The following THADA variants were observed in gnomAD, a reference collection of about 807,000 sequenced individuals.
The protein encoded by THADA is THADA armadillo repeat containing.
THADA carries 213 observed loss-of-function variants against 219.8 expected under a neutral mutation model. That is an observed-to-expected ratio of 0.97 (90% CI 0.87 to 1.09). THADA has a LOEUF of 1.09. Among genes scored for constraint, THADA ranks in the 50% least tolerant of loss-of-function variants. THADA has a pLI of 0.00. For synonymous variants in THADA, 1,018 were observed against 828.9 expected, an observed-to-expected ratio of 1.23 and a Z score of -3.92; for missense variants, 2,956 against 2,311.3, an observed-to-expected ratio of 1.28 and a Z score of -5.72.
chr2:43,573,942 C>T (rs1340426100), intron 11 of THADA, among the ~76,000 whole-genome samples: 1 of 152,150 alleles, frequency 6.6e-6, no homozygotes, highest in African/African-American at 2.4e-5. Flanking sequence ...TTGCTACTGC[C>T]AAGTTACCTG....
intron 10 of THADA, among the ~76,000 whole-genome samples, chr2:43,576,180 G>A (rs1479103893): frequency 6.6e-6 from 1 of 152,108 alleles, no homozygotes; most frequent in Non-Finnish European, 1.5e-5. Flanking sequence ...CTAATAAACT[G>A]AATTGTACAC....
intron 7 of THADA, among the ~76,000 whole-genome samples, chr2:43,584,644 A>G (rs1700821415): frequency 6.6e-6 from 1 of 152,230 alleles, no homozygotes; most frequent in South Asian, 2.1e-4. Context: ...TAACAATAGT[A>G]TTTCAGAAGC....
In THADA at chr2:43,397,622, C is replaced by T. The variant is rs531695174; in HGVS notation, c.4227+349G>A. On this transcript the variant is annotated intron_variant, in intron 29 of 37. Coordinates refer to ENST00000405975, the MANE Select transcript of THADA (RefSeq NM_022065.5). ...CTCTCTCAAGGAATGCTTTCAGTTT[C>T]ACTCGGAATAGGTAGTAGCCCAGAA... is the stretch of plus-strand genomic sequence containing the variant. Among the ~76,000 whole-genome samples, 12 of 151,932 alleles carry T rather than the reference C, an allele frequency of 7.9e-5. No homozygotes were observed. The South Asian group carries it at 2.5e-3, about 32-fold the overall frequency.
intron 26 of THADA, among the ~76,000 whole-genome samples, chr2:43,456,924 C>T (rs1405895029): frequency 2.0e-5 from 3 of 152,120 alleles, no homozygotes; most frequent in Non-Finnish European, 4.4e-5. Flanking sequence ...ACACAAAGTA[C>T]AGGCATTGAA....
intron 17 of THADA, chr2:43,556,088 G>C (rs1697304155): frequency 2.4e-6 from 2 of 816,624 alleles, no homozygotes; most frequent in Non-Finnish European, 1.6e-6. Flanking sequence ...TGGAGAAAGA[G>C]GTCATTCTCA....
In THADA at chr2:43,466,051, G is replaced by A. The variant is rs146504318; in HGVS notation, c.3836+19183C>T. On this transcript the variant is annotated intron_variant, in intron 26 of 37. Transcript: ENST00000405975. Reference sequence around the variant, plus strand: ...TCTACTGTCTTAATATCTCTAATCAGTATCTGTCTCTCCATCCTCCTTGTC... The same window carrying A: ...TCTACTGTCTTAATATCTCTAATCAATATCTGTCTCTCCATCCTCCTTGTC... Among the ~76,000 whole-genome samples the A allele has an allele frequency of 2.3e-4, 35 of 152,204 alleles. No individual in the cohort carries two copies. In the East Asian group the frequency reaches 6.4e-3, roughly 28 times the overall value.
At chr2:43,569,489 A>C (rs757638167) in intron 14 of THADA, among the ~76,000 whole-genome samples, 1 of 152,204 alleles carries the variant, frequency 6.6e-6, no homozygotes, top group Non-Finnish European at 1.5e-5. Context: ...GAGTAAACCC[A>C]TGTCTTTAAA....
chr2:43,527,637 A>G (rs1693330611), intron 22 of THADA, among the ~76,000 whole-genome samples: 2 of 152,186 alleles, frequency 1.3e-5, no homozygotes, highest in South Asian at 4.1e-4. Context: ...TTTTAGCAAA[A>G]TCTTTGAGTT....
At chr2:43,552,651 A>C (rs1696880562) in intron 17 of THADA, among the ~76,000 whole-genome samples, 1 of 152,000 alleles carries the variant, frequency 6.6e-6, no homozygotes, top group South Asian at 2.1e-4. Flanking sequence ...GATGGCTTTC[A>C]AATTAAAAAA....
chr2:43,311,526 G>C (rs1677511922), intron 31 of THADA, among the ~76,000 whole-genome samples: 1 of 152,180 alleles, frequency 6.6e-6, no homozygotes, highest in Non-Finnish European at 1.5e-5. Context: ...AAATACCCAA[G>C]AGAATTGAAA....
intron 24 of THADA, among the ~76,000 whole-genome samples, chr2:43,503,036 A>G (rs1375915001): frequency 6.6e-6 from 1 of 152,218 alleles, no homozygotes; most frequent in African/African-American, 2.4e-5. Context: ...ACCATTTCAC[A>G]CTAAGCAGAA....
chr2:43,549,928 T>C (rs1696551883), intron 19 of THADA, among the ~76,000 whole-genome samples: 1 of 152,224 alleles, frequency 6.6e-6, no homozygotes, highest in Admixed American at 6.5e-5. Context: ...CAATCTTTTA[T>C]AGGACAGGAA....
intron 29 of THADA, among the ~76,000 whole-genome samples, chr2:43,350,233 A>C (rs1668097370): frequency 6.6e-6 from 1 of 152,206 alleles, no homozygotes; most frequent in South Asian, 2.1e-4. Flanking sequence ...GCTCTAGGTC[A>C]GATTGAAAGG....
intron 35 of THADA, among the ~76,000 whole-genome samples, chr2:43,281,993 C>T (rs1673418671): frequency 6.6e-6 from 1 of 152,098 alleles, no homozygotes; most frequent in African/African-American, 2.4e-5. Context: ...TGGTCTCGAA[C>T]TCCTGGGGTC....
chr2:43,539,086 T>A (rs1208213931), intron 21 of THADA, among the ~76,000 whole-genome samples: 1 of 152,244 alleles, frequency 6.6e-6, no homozygotes, highest in Non-Finnish European at 1.5e-5. Flanking sequence ...AGATCACAGT[T>A]ACTACTCTGA....
chr2:43,293,541 G>T (rs1364109754), intron 31 of THADA, among the ~76,000 whole-genome samples: 1 of 152,112 alleles, frequency 6.6e-6, no homozygotes, highest in Non-Finnish European at 1.5e-5. Flanking sequence ...ATGAGAAGAG[G>T]ACATCTAGTA....
At chr2:43,237,300 C>T (rs1267628776) in intron 36 of THADA, among the ~76,000 whole-genome samples, 7 of 151,732 alleles carry the variant, frequency 4.6e-5, no homozygotes, top group East Asian at 1.9e-4. Context: ...TACACACCTG[C>T]GAAAGAATGA....
At chr2:43,303,327 T>G (rs1676478055) in intron 31 of THADA, among the ~76,000 whole-genome samples, 2 of 152,292 alleles carry the variant, frequency 1.3e-5, no homozygotes, top group South Asian at 4.1e-4. Flanking sequence ...AAAGTTAACT[T>G]TAGATATCAA....
chr2:43,296,539 G>A (rs1452094876), intron 31 of THADA, among the ~76,000 whole-genome samples: 1 of 152,162 alleles, frequency 6.6e-6, no homozygotes, highest in African/African-American at 2.4e-5. Context: ...GCCTCCCAAA[G>A]TGCTGGGATT....
Sources: gnomAD v4.1 joint callset for allele counts (sites outside exome capture counted in the v4.1 genomes callset) on GRCh38, gnomAD v4.1.1 for gene constraint, MANE v1.5 for transcripts, NCBI Gene and HGNC (gene_info 2026-07-23, HGNC 2026-07-21) for gene names.